DGLUCY: variants seen among roughly 807,000 people sequenced by gnomAD.
The protein encoded by DGLUCY is D-glutamate cyclase, mitochondrial.
DGLUCY carries 58 observed loss-of-function variants against 58.5 expected under a neutral mutation model. The ratio of observed to expected loss-of-function variants is 0.99; its 90% CI spans 0.80 to 1.23. The LOEUF is 1.23. Among genes scored for constraint, DGLUCY ranks in the 50% most tolerant of loss-of-function variants. DGLUCY has a pLI of 0.00. For missense variants in DGLUCY, 779 were observed against 784.7 expected, an observed-to-expected ratio of 0.99 and a Z score of 0.09; for synonymous variants, 325 against 314.1, an observed-to-expected ratio of 1.03 and a Z score of -0.37.
chr14:91,195,796 G>C (rs142268474), intron 9 of DGLUCY, among the ~76,000 whole-genome samples: 2 of 148,896 alleles, frequency 1.3e-5, no homozygotes, highest in Non-Finnish European at 3.0e-5. Flanking sequence ...TCAGCCTCCC[G>C]AGTAGCTGGA....
At chr14:91,184,714 G>A (rs1471455651) in intron 8 of DGLUCY, among the ~76,000 whole-genome samples, 1 of 151,606 alleles carries the variant, frequency 6.6e-6, no homozygotes, top group Non-Finnish European at 1.5e-5. Flanking sequence ...CCTGGGCCTA[G>A]GAGCAAAAGT....
intron 1 of DGLUCY, among the ~76,000 whole-genome samples, chr14:91,088,188 T>A (rs945827805): frequency 1.3e-5 from 2 of 152,172 alleles, no homozygotes; most frequent in Non-Finnish European, 1.5e-5. Flanking sequence ...TTTGTCCAGT[T>A]TTGGAGCGCC....
intron 1 of DGLUCY, among the ~76,000 whole-genome samples, chr14:91,077,482 G>C (rs1023927000): frequency 3.3e-5 from 5 of 151,606 alleles, no homozygotes; most frequent in African/African-American, 1.2e-4. Flanking sequence ...GGCTGGGCAC[G>C]GTGGCTCACA....
At chr14:91,067,507 A>C (rs2043843277) in intron 1 of DGLUCY, among the ~76,000 whole-genome samples, 1 of 152,218 alleles carries the variant, frequency 6.6e-6, no homozygotes, top group Non-Finnish European at 1.5e-5. Context: ...GATAAGAAAG[A>C]AAATCTTTCA....
At chr14:91,163,049 G>C (rs778926878) in intron 3 of DGLUCY, among the ~76,000 whole-genome samples, 2 of 152,152 alleles carry the variant, frequency 1.3e-5, no homozygotes, top group East Asian at 3.9e-4. Flanking sequence ...CCTGAGGTCA[G>C]GAGTTCAAGA....
At chr14:91,215,819 T>A in intron 13 of DGLUCY, 1 of 1,178,636 alleles carries the variant, frequency 8.5e-7, no homozygotes. Context: ...TCTCTGAGCC[T>A]CATTTTCTTC....
At chr14:91,065,358 C>A (rs1479285844) in intron 1 of DGLUCY, among the ~76,000 whole-genome samples, 1 of 152,086 alleles carries the variant, frequency 6.6e-6, no homozygotes, top group Non-Finnish European at 1.5e-5. Flanking sequence ...AGTGAATGAC[C>A]CTGGGGCCTA....
rs535887675 is a variant in DGLUCY at position 91,077,159 on chromosome 14, T to A, written c.-82+16455T>A. ...TATTCAGGAGGCTGAGGTGTGAGGA[T>A]CACTTGAGCCAAGGAGGTGAAGGTC... On this transcript the variant is annotated intron_variant, in intron 1 of 4. Transcript: ENST00000521334. Among the ~76,000 whole-genome samples, 11 of 151,670 alleles carry A rather than the reference T, an allele frequency of 7.3e-5. 1 individual carries two copies. In the South Asian group the frequency reaches 2.3e-3, roughly 32 times the overall value.
At chr14:91,165,181 A>G (rs984306858) in intron 3 of DGLUCY, 3 of 455,108 alleles carry the variant, frequency 6.6e-6, no homozygotes, top group African/African-American at 6.0e-5. Flanking sequence ...ATGACACATA[A>G]CAAACATCTT....
chr14:91,092,910 C>T (rs985450468), intron 1 of DGLUCY, among the ~76,000 whole-genome samples: 3 of 151,932 alleles, frequency 2.0e-5, no homozygotes, highest in Non-Finnish European at 4.4e-5. Flanking sequence ...ATGGTGAAAC[C>T]CTGTCTCTAC....
Position 91,199,780 on chromosome 14 carries a change from AGCGT to A in DGLUCY, c.1322_1325del (p.Arg441ProfsTer15), listed in dbSNP as rs751771376. ...AGATTTGACCACCTGGTGGCCATAGAGCGTGCCGGAAGAGCTGCTGATGGCAATT... is the reference window on the plus strand; with the variant it reads ...AGATTTGACCACCTGGTGGCCATAGAGCCGGAAGAGCTGCTGATGGCAATT... On this transcript the variant is annotated frameshift_variant, in exon 11 of 14. Transcript: ENST00000256324. LOFTEE classifies it high-confidence loss of function. 9.3e-6 allele frequency: 15 copies of A among 1,614,044 alleles called. No individual in the cohort carries two copies. In the African/African-American group the frequency reaches 2.0e-4, roughly 22 times the overall value.
chr14:91,176,151 A>G, intron 7 of DGLUCY, 95 bp downstream of exon 7: 1 of 1,436,428 alleles, frequency 7.0e-7, no homozygotes, highest in Non-Finnish European at 9.3e-7. Flanking sequence ...ACAATGATTT[A>G]AAAATAAAGC....
In DGLUCY at chr14:91,060,626, G is replaced by T. The variant is rs960557168; in HGVS notation, c.-160G>T. The T allele has an allele frequency of 5.4e-6, 4 of 741,926 alleles. No individual in the cohort carries two copies. The African/African-American group carries it at 5.5e-5, about 10-fold the overall frequency. 46.0% of individuals were successfully genotyped at this position (741,926 alleles called of 1,614,324 possible). On this transcript the variant is annotated 5_prime_UTR_variant, in exon 1 of 5. Coordinates refer to the DGLUCY transcript ENST00000521334. ...TCCTCGCCTCCTCCCCCTTCGGCGGGCACCGCTAGTACCGCGCAACCAAAC... is the reference window on the plus strand; with the variant it reads ...TCCTCGCCTCCTCCCCCTTCGGCGGTCACCGCTAGTACCGCGCAACCAAAC...
intron 1 of DGLUCY, among the ~76,000 whole-genome samples, chr14:91,143,908 G>C (rs899555238): frequency 3.3e-5 from 5 of 152,126 alleles, no homozygotes; most frequent in African/African-American, 1.2e-4. Flanking sequence ...GATCATCCAC[G>C]TAATAAGTAG....
At chr14:91,186,012 C>T (rs2049494433) in intron 8 of DGLUCY, among the ~76,000 whole-genome samples, 1 of 150,766 alleles carries the variant, frequency 6.6e-6, no homozygotes, top group Non-Finnish European at 1.5e-5. Flanking sequence ...AATAATAGAC[C>T]CACTTAGTCA....
intron 1 of DGLUCY, among the ~76,000 whole-genome samples, chr14:91,123,344 A>G (rs754732225): frequency 3.9e-4 from 60 of 152,216 alleles, no homozygotes; most frequent in Admixed American, 1.0e-3. Flanking sequence ...ACTTGATATT[A>G]GCGCACATCT....
chr14:91,119,908 G>A (rs1226705146), intron 1 of DGLUCY, among the ~76,000 whole-genome samples: 1 of 152,102 alleles, frequency 6.6e-6, no homozygotes, highest in African/African-American at 2.4e-5. Context: ...CTGACTCCAA[G>A]TTCTTCAGCT....
chr14:91,103,597 C>T (rs569226679), upstream of DGLUCY, among the ~76,000 whole-genome samples: 2 of 152,234 alleles, frequency 1.3e-5, no homozygotes, highest in African/African-American at 4.8e-5. Flanking sequence ...AAAGGCAAAT[C>T]GCGCAACTTG....
intron 1 of DGLUCY, among the ~76,000 whole-genome samples, chr14:91,079,766 GA>G (rs1243991348): frequency 2.0e-5 from 3 of 152,020 alleles, no homozygotes; most frequent in African/African-American, 2.4e-5. Context: ...AAAAGATTCA[GA>G]AAAAAAGGTT....
Sources: allele counts gnomAD v4.1 joint callset (sites outside exome capture counted in the v4.1 genomes callset), GRCh38; gene constraint gnomAD v4.1.1; transcripts MANE v1.5; gene names NCBI Gene and HGNC (gene_info 2026-07-23, HGNC 2026-07-21).